ERBB4: variants seen among roughly 807,000 people sequenced by gnomAD.
ERBB4 encodes the protein receptor tyrosine-protein kinase erbB-4.
In ERBB4, 42 loss-of-function variants were observed where a neutral mutation model predicts 158.0. The ratio of observed to expected loss-of-function variants is 0.27; its 90% confidence interval spans 0.21 to 0.34. The LOEUF (loss-of-function observed/expected upper bound fraction) is 0.34, where lower values mean the gene tolerates loss of function less well. Among genes scored for constraint, ERBB4 ranks in the 10% least tolerant of loss-of-function variants. The probability of loss-of-function intolerance (pLI) is 1.00; values close to 1 mark genes in which losing one functional copy is unlikely to be tolerated. For synonymous variants in ERBB4, 583 were observed against 558.7 expected (o/e 1.04, Z -0.61); for missense variants, 1,333 against 1,624.1 (o/e 0.82, Z 3.08).
rs73988614 is a variant in ERBB4, at chr2:211,605,498, T to C, written c.2301+13679A>G. 9.3e-3 allele frequency among the ~76,000 whole-genome samples: 1,420 copies of C among 152,198 alleles called. 21 individuals carry two copies. Among genetic ancestry groups the C allele is most frequent in the African/African-American group, 0.032 (1,313 of 41,550 alleles). Reference sequence around the variant, plus strand: ...CCTAATCTGAAGTCAACTAAAGTCTTGGTATATGTCCTGGAATTTATTTAC... The same window carrying C: ...CCTAATCTGAAGTCAACTAAAGTCTCGGTATATGTCCTGGAATTTATTTAC... On this transcript the variant is annotated intron_variant, in intron 19 of 27. Transcript: ENST00000342788.
chr2:211,884,592 C>T (rs1348103444), intron 3 of ERBB4, among the ~76,000 whole-genome samples: 1 of 152,104 alleles, frequency 6.6e-6, no homozygotes, highest in Middle Eastern at 3.2e-3. Context: ...AAACATGTCA[C>T]CTAACCAAAA....
chr2:211,409,257 A>G (rs1172920486), intron 25 of ERBB4, among the ~76,000 whole-genome samples: 1 of 152,160 alleles, frequency 6.6e-6, no homozygotes, highest in Non-Finnish European at 1.5e-5. Context: ...GTCTCAGCAA[A>G]AATACTTTGC....
intron 4 of ERBB4, among the ~76,000 whole-genome samples, chr2:211,769,841 TAGCAGCACC>T (rs1291981439): frequency 6.6e-6 from 1 of 152,216 alleles, no homozygotes; most frequent in Non-Finnish European, 1.5e-5. Context: ...TGTTTTATTC[TAGCAGCACC>T]AGCAGCTGAT....
intron 3 of ERBB4, among the ~76,000 whole-genome samples, chr2:211,813,917 A>G (rs963370976): frequency 6.6e-6 from 1 of 152,176 alleles, no homozygotes; most frequent in Non-Finnish European, 1.5e-5. Context: ...TATAAATCAT[A>G]TAAATGAATA....
chr2:211,853,877 A>T (rs1406729494), intron 3 of ERBB4, among the ~76,000 whole-genome samples: 2 of 152,112 alleles, frequency 1.3e-5, no homozygotes, highest in African/African-American at 4.8e-5. Flanking sequence ...AATGACTTAA[A>T]AAGGAGTCAT....
chr2:212,286,607 T>TGTTTTG (rs1251531378), intron 1 of ERBB4, among the ~76,000 whole-genome samples: 37 of 126,012 alleles, frequency 2.9e-4, no homozygotes, highest in East Asian at 4.9e-4. Context: ...TTTTTTTTTT[T>TGTTTTG]TTTTTTTTTT....
intron 2 of ERBB4, among the ~76,000 whole-genome samples, chr2:211,971,232 G>T (rs1428635299): frequency 1.3e-5 from 2 of 152,150 alleles, no homozygotes; most frequent in Non-Finnish European, 2.9e-5. Flanking sequence ...GAGAATTCCA[G>T]CTGAGAGCTC....
At chr2:212,225,140 C>A (rs1260098694) in intron 1 of ERBB4, among the ~76,000 whole-genome samples, 1 of 151,922 alleles carries the variant, frequency 6.6e-6, no homozygotes, top group Non-Finnish European at 1.5e-5. Context: ...TTTTAATACA[C>A]TTTACTATAT....
intron 1 of ERBB4, among the ~76,000 whole-genome samples, chr2:212,171,334 T>A (rs968658351): frequency 3.3e-5 from 5 of 151,610 alleles, no homozygotes; most frequent in East Asian, 1.9e-4. Flanking sequence ...GTTTTTTTTT[T>A]AATTATTTTA....
intron 13 of ERBB4, among the ~76,000 whole-genome samples, chr2:211,677,563 CA>C (rs1479843713): frequency 7.1e-6 from 1 of 140,452 alleles, no homozygotes. Context: ...AACTTAGACT[CA>C]AAAAAAATAA....
intron 1 of ERBB4, among the ~76,000 whole-genome samples, chr2:212,502,913 G>T (rs1236178922): frequency 6.6e-6 from 1 of 152,034 alleles, no homozygotes; most frequent in Admixed American, 6.6e-5. Flanking sequence ...TGGGACTACA[G>T]GAACATGCCA....
intron 1 of ERBB4, among the ~76,000 whole-genome samples, chr2:212,317,479 T>C (rs939390226): frequency 6.6e-5 from 10 of 151,648 alleles, no homozygotes; most frequent in Non-Finnish European, 1.5e-4. Context: ...TTGAAGTGAG[T>C]ACCCACAATC....
At chr2:211,829,917 G>T (rs2077183485) in intron 3 of ERBB4, among the ~76,000 whole-genome samples, 1 of 152,116 alleles carries the variant, frequency 6.6e-6, no homozygotes, top group Non-Finnish European at 1.5e-5. Context: ...ATTCTGAATG[G>T]TCAGCAAATA....
At chr2:212,512,416 G>A (rs1411227040) in intron 1 of ERBB4, among the ~76,000 whole-genome samples, 35 of 151,858 alleles carry the variant, frequency 2.3e-4, no homozygotes, top group Non-Finnish European at 1.9e-4. Flanking sequence ...TGTCAGGAAT[G>A]TGTAATTTAT....
chr2:211,678,420 C>G (rs1391969930), intron 13 of ERBB4, among the ~76,000 whole-genome samples: 1 of 151,736 alleles, frequency 6.6e-6, no homozygotes, highest in Non-Finnish European at 1.5e-5. Flanking sequence ...AGGAAGATTA[C>G]TTATAACAAT....
chr2:212,449,097 CT>C, intron 1 of ERBB4, among the ~76,000 whole-genome samples: 1 of 152,092 alleles, frequency 6.6e-6, no homozygotes, highest in Non-Finnish European at 1.5e-5. Context: ...TTCTATCATT[CT>C]TTCCTAACTC....
intron 26 of ERBB4, 76 bp from the exon 27 acceptor site, chr2:211,387,226 G>T: frequency 1.7e-6 from 2 of 1,154,420 alleles, no homozygotes; most frequent in Non-Finnish European, 2.6e-6. Flanking sequence ...ATAGCCACAA[G>T]GATATCAAAG....
At chr2:211,838,220 A>G (rs1422141629) in intron 3 of ERBB4, among the ~76,000 whole-genome samples, 3 of 151,972 alleles carry the variant, frequency 2.0e-5, no homozygotes, top group African/African-American at 7.2e-5. Flanking sequence ...TGGTTATTTG[A>G]GTAATTTCTG....
chr2:211,977,321 A>G (rs1369616696), intron 2 of ERBB4, among the ~76,000 whole-genome samples: 1 of 152,028 alleles, frequency 6.6e-6, no homozygotes, highest in Non-Finnish European at 1.5e-5. Context: ...AGAACATGAG[A>G]CTGTCAGAAA....
Sources: gnomAD v4.1 joint callset for allele counts (sites outside exome capture counted in the v4.1 genomes callset) on GRCh38, gnomAD v4.1.1 for gene constraint, MANE v1.5 for transcripts, NCBI Gene and HGNC (gene_info 2026-07-23, HGNC 2026-07-21) for gene names.